SPON1: variants seen among roughly 807,000 people sequenced by gnomAD.
SPON1 encodes the protein spondin-1.
In SPON1, 52 loss-of-function variants were observed where a neutral mutation model predicts 111.7. The observed-to-expected ratio is 0.47, with a 90% CI of 0.37 to 0.59. The LOEUF (loss-of-function observed/expected upper bound fraction) is 0.59, where lower values mean the gene tolerates loss of function less well. Ranked by LOEUF, SPON1 falls within the 20% of genes least tolerant of loss-of-function variation. The pLI is 0.00. For missense variants in SPON1, 957 were observed against 1,068.5 expected (o/e 0.90, Z 1.46); for synonymous variants, 410 against 395.8 (o/e 1.04, Z -0.43).
intron 5 of SPON1, among the ~76,000 whole-genome samples, chr11:14,126,822 TCTC>T (rs1847465566): frequency 1.3e-5 from 2 of 152,154 alleles, no homozygotes; most frequent in South Asian, 2.1e-4. Flanking sequence ...GTCTTTTCTC[TCTC>T]CTCCTCTATT....
At chr11:14,027,139 G>C (rs75721255) in intron 2 of SPON1, among the ~76,000 whole-genome samples, 45 of 152,248 alleles carry the variant, frequency 3.0e-4, no homozygotes, top group African/African-American at 1.1e-3. Flanking sequence ...AGGCACTGGC[G>C]TTGTAAGAAA....
At chr11:14,004,386 T>G (rs1848343337) in intron 2 of SPON1, among the ~76,000 whole-genome samples, 1 of 152,214 alleles carries the variant, frequency 6.6e-6, no homozygotes, top group Admixed American at 6.5e-5. Flanking sequence ...TATGATAGTT[T>G]ATTTTTAGTT....
At position 14,259,187 on chromosome 11, in the gene SPON1, CTT is replaced by C. The variant is rs1276494594; in HGVS notation, c.1493-92_1493-91del. 9.2e-6 allele frequency: 13 copies of C among 1,412,888 alleles called. No individual in the cohort carries two copies. The highest frequency in any genetic ancestry group is 1.0e-5 in the Non-Finnish European group (11 of 1,059,200). The allele number at this position is 1,412,888 out of a possible 1,614,324, so 87.5% of individuals were successfully genotyped here. On this transcript the variant is annotated intron_variant, in intron 11 of 15. Coordinates refer to ENST00000576479, the MANE Select transcript of SPON1 (RefSeq NM_006108.4). This position sits in a 1 kb window ranked among gnomAD's most constrained non-coding sequence, Gnocchi z 5.0. ...AGACAACCTCAACTGCCTGACTCCT[CTT>C]GATTCCCGCTGGCGGGAAGTTCCCA... is the stretch of plus-strand genomic sequence containing the variant.
Position 14,103,128 on chromosome 11 carries a change from G to A in SPON1, c.676+23107G>A, listed in dbSNP as rs572356323. Reference sequence around the variant, plus strand: ...TGTGTATAAGGAAAAGGAAGGAGACGAGGCCCAGGCATCATGTCGCTGCTA... The same window carrying A: ...TGTGTATAAGGAAAAGGAAGGAGACAAGGCCCAGGCATCATGTCGCTGCTA... On this transcript the variant is annotated intron_variant, in intron 5 of 15. Coordinates refer to ENST00000576479, the MANE Select transcript of SPON1 (RefSeq NM_006108.4). Among the ~76,000 whole-genome samples the A allele has an allele frequency of 6.6e-5, 10 of 152,194 alleles. No homozygotes were observed. In the East Asian group the frequency reaches 1.4e-3, roughly 21 times the overall value.
intron 6 of SPON1, among the ~76,000 whole-genome samples, chr11:14,140,614 C>T (rs1272098850): frequency 6.6e-6 from 1 of 152,178 alleles, no homozygotes; most frequent in Non-Finnish European, 1.5e-5. Flanking sequence ...AGGCTGGTCT[C>T]GAAATCCTGA....
intron 3 of SPON1, among the ~76,000 whole-genome samples, chr11:14,055,600 C>T (rs1385649030): frequency 6.6e-6 from 1 of 152,236 alleles, no homozygotes; most frequent in East Asian, 1.9e-4. Context: ...GTACCAAAAA[C>T]TACTGGCTGT....
intron 6 of SPON1, among the ~76,000 whole-genome samples, chr11:14,209,435 C>T (rs782620418): frequency 1.2e-4 from 19 of 152,090 alleles, no homozygotes; most frequent in Non-Finnish European, 1.5e-4. Flanking sequence ...CGACAGGCCC[C>T]GGTGTGTGAT....
At chr11:14,020,559 T>G (rs1291317481) in intron 2 of SPON1, among the ~76,000 whole-genome samples, 5 of 152,224 alleles carry the variant, frequency 3.3e-5, no homozygotes, top group Admixed American at 2.0e-4. Context: ...AAATTTCACT[T>G]CTAGGAATTA....
intron 6 of SPON1, among the ~76,000 whole-genome samples, chr11:14,207,523 C>A (rs7940079): frequency 0.34 from 51,383 of 151,816 alleles, 9,062 homozygotes; most frequent in Admixed American, 0.44. Context: ...AAGAAAAAAA[C>A]CAAACAACCT....
chr11:14,011,469 G>A (rs1257919661), intron 2 of SPON1, among the ~76,000 whole-genome samples: 1 of 150,582 alleles, frequency 6.6e-6, no homozygotes, highest in Non-Finnish European at 1.5e-5. Context: ...CCTGTCCATG[G>A]CTGACTCCCC....
chr11:14,140,692 G>T (rs1195452363), intron 6 of SPON1, among the ~76,000 whole-genome samples: 4 of 152,170 alleles, frequency 2.6e-5, no homozygotes, highest in African/African-American at 9.7e-5. Context: ...ACCACACTTG[G>T]CCTCAGTAGT....
chr11:14,053,168 A>G (rs1413188868), intron 3 of SPON1, among the ~76,000 whole-genome samples: 1 of 152,230 alleles, frequency 6.6e-6, no homozygotes, highest in African/African-American at 2.4e-5. Context: ...ACATAAAATC[A>G]ACCATTTTAA....
intron 2 of SPON1, among the ~76,000 whole-genome samples, chr11:13,997,935 C>T (rs1848286275): frequency 6.6e-6 from 1 of 152,104 alleles, no homozygotes; most frequent in Non-Finnish European, 1.5e-5. Flanking sequence ...GCGGAAACCA[C>T]ACTAGATACT....
At chr11:14,016,119 C>T (rs1416538009) in intron 2 of SPON1, among the ~76,000 whole-genome samples, 2 of 152,216 alleles carry the variant, frequency 1.3e-5, no homozygotes, top group African/African-American at 2.4e-5. Context: ...TGGCAGTTCC[C>T]TCTTCCTAGA....
intron 6 of SPON1, among the ~76,000 whole-genome samples, chr11:14,205,333 T>G (rs1848506624): frequency 6.6e-6 from 1 of 152,178 alleles, no homozygotes. Context: ...TATTCTGTCC[T>G]CCTCCATCTT....
intron 6 of SPON1, among the ~76,000 whole-genome samples, chr11:14,153,696 C>G (rs1554930121): frequency 6.6e-6 from 1 of 152,210 alleles, no homozygotes; most frequent in Non-Finnish European, 1.5e-5. Flanking sequence ...GCCTTCCCAA[C>G]AGTCTCCCAA....
At chr11:14,262,453 G>T (rs1225505460) in intron 14 of SPON1, 5 of 538,908 alleles carry the variant, frequency 9.3e-6, no homozygotes, top group Non-Finnish European at 1.3e-5. Flanking sequence ...CATCCTGAAA[G>T]TCCTCCAAAG....
At chr11:14,262,389 G>A in intron 14 of SPON1, 1 of 362,206 alleles carries the variant, frequency 2.8e-6, no homozygotes, top group East Asian at 5.7e-5. Flanking sequence ...TTCTGTACTT[G>A]AGGCTGATCT....
intron 5 of SPON1, among the ~76,000 whole-genome samples, chr11:14,086,205 G>A (rs1400386839): frequency 6.6e-6 from 1 of 152,078 alleles, no homozygotes; most frequent in Non-Finnish European, 1.5e-5. Context: ...GGTGAGAGGG[G>A]GCATCCTTGT....
Sources: allele counts gnomAD v4.1 joint callset (sites outside exome capture counted in the v4.1 genomes callset), GRCh38; gene constraint gnomAD v4.1.1; non-coding constraint Gnocchi (gnomAD v3.1); transcripts MANE v1.5; gene names NCBI Gene and HGNC (gene_info 2026-07-23, HGNC 2026-07-21).